Variants in MIPOL1 observed in about 807,000 individuals in gnomAD.
The protein encoded by MIPOL1 is mirror-image polydactyly 1.
In MIPOL1, 57 loss-of-function variants were observed where a neutral mutation model predicts 60.9. That is an observed-to-expected ratio of 0.94 (90% CI 0.76 to 1.17). The LOEUF (loss-of-function observed/expected upper bound fraction) is 1.17. MIPOL1 is among the 50% of genes most tolerant of loss of function. The pLI, the probability that MIPOL1 is intolerant of heterozygous loss-of-function variation, is 0.00. For synonymous variants in MIPOL1, 179 were observed against 168.8 expected, an observed-to-expected ratio of 1.06 and a Z score of -0.47; for missense variants, 551 against 511.6, an observed-to-expected ratio of 1.08 and a Z score of -0.74.
intron 11 of MIPOL1, among the ~76,000 whole-genome samples, chr14:37,435,980 A>G (rs1237830592): frequency 6.6e-6 from 1 of 152,174 alleles, no homozygotes; most frequent in Non-Finnish European, 1.5e-5. Flanking sequence ...GCTTTACAAA[A>G]GGCAGGATTT....
chr14:37,386,250 G>T (rs941089663), intron 10 of MIPOL1, among the ~76,000 whole-genome samples: 4 of 151,864 alleles, frequency 2.6e-5, no homozygotes, highest in African/African-American at 7.2e-5. Context: ...TAATAAAATT[G>T]AGGTTCCTTT....
chr14:37,392,827 G>T (rs1049892032), intron 10 of MIPOL1, among the ~76,000 whole-genome samples: 3 of 152,140 alleles, frequency 2.0e-5, no homozygotes, highest in African/African-American at 7.2e-5. Context: ...GTAAGTTATA[G>T]TTTATTAAAG....
chr14:37,439,729 A>G (rs1595781162), intron 11 of MIPOL1, among the ~76,000 whole-genome samples: 1 of 152,204 alleles, frequency 6.6e-6, no homozygotes, highest in East Asian at 1.9e-4. Flanking sequence ...AAAGTAAATC[A>G]CATGTACAAT....
At chr14:37,338,491 C>A (rs963838217) in intron 9 of MIPOL1, among the ~76,000 whole-genome samples, 3 of 149,626 alleles carry the variant, frequency 2.0e-5, no homozygotes, top group Middle Eastern at 3.5e-3. Flanking sequence ...TCACTGCAAC[C>A]TCTGCCTCCC....
intron 1 of MIPOL1, among the ~76,000 whole-genome samples, chr14:37,200,099 G>C (rs556475272): frequency 1.3e-5 from 2 of 152,226 alleles, no homozygotes; most frequent in South Asian, 4.1e-4. Flanking sequence ...ATATTCATGT[G>C]TTTACTGGCA....
chr14:37,437,252 T>C (rs2094176445), intron 11 of MIPOL1, among the ~76,000 whole-genome samples: 1 of 152,144 alleles, frequency 6.6e-6, no homozygotes, highest in Non-Finnish European at 1.5e-5. Flanking sequence ...TCAGTTACTA[T>C]GTAAAGCAAT....
At chr14:37,420,835 A>G (rs967047232) in intron 10 of MIPOL1, among the ~76,000 whole-genome samples, 1 of 152,192 alleles carries the variant, frequency 6.6e-6, no homozygotes, top group Non-Finnish European at 1.5e-5. Context: ...GATGAAGTTC[A>G]TTGTAGCCAC....
At chr14:37,462,182 C>T (rs113439761) in intron 11 of MIPOL1, among the ~76,000 whole-genome samples, 7 of 152,348 alleles carry the variant, frequency 4.6e-5, no homozygotes, top group African/African-American at 1.4e-4. Flanking sequence ...TTCTTGACTT[C>T]TGTGCACTCA....
chr14:37,358,877 C>G (rs979753809), intron 9 of MIPOL1, among the ~76,000 whole-genome samples: 10 of 152,104 alleles, frequency 6.6e-5, no homozygotes, highest in Admixed American at 2.6e-4. Context: ...GTTGCCCTTG[C>G]TTTTGGTGTT....
At chr14:37,202,771 A>G (rs992450839) in intron 1 of MIPOL1, among the ~76,000 whole-genome samples, 1 of 152,148 alleles carries the variant, frequency 6.6e-6, no homozygotes, top group Non-Finnish European at 1.5e-5. Context: ...CTACATTGCC[A>G]TTGTTGACTT....
chr14:37,229,462 T>G (rs1478707013), intron 1 of MIPOL1, among the ~76,000 whole-genome samples: 1 of 152,100 alleles, frequency 6.6e-6, no homozygotes, highest in Non-Finnish European at 1.5e-5. Flanking sequence ...CATTATTCAT[T>G]TTTGCCACTA....
At chr14:37,279,821 G>A (rs955282327) in intron 6 of MIPOL1, among the ~76,000 whole-genome samples, 3 of 152,054 alleles carry the variant, frequency 2.0e-5, no homozygotes, top group Non-Finnish European at 4.4e-5. Context: ...CATTATTTTA[G>A]CTTTTTGAAA....
chr14:37,239,874 C>A (rs189714549), intron 1 of MIPOL1, among the ~76,000 whole-genome samples: 1 of 152,190 alleles, frequency 6.6e-6, no homozygotes, highest in Admixed American at 6.5e-5. Flanking sequence ...TCTTTAAAAT[C>A]TTCACTTCTA....
intron 9 of MIPOL1, among the ~76,000 whole-genome samples, chr14:37,356,717 C>G (rs1323054007): frequency 6.6e-6 from 1 of 152,214 alleles, no homozygotes; most frequent in African/African-American, 2.4e-5. Flanking sequence ...AGGGAACTCC[C>G]TGACCCCTTG....
At chr14:37,257,867 C>T (rs570868017) in intron 3 of MIPOL1, among the ~76,000 whole-genome samples, 5 of 152,106 alleles carry the variant, frequency 3.3e-5, no homozygotes, top group Admixed American at 6.6e-5. Context: ...AGTCTGCTGA[C>T]GAATACTAAT....
chr14:37,443,054 C>T (rs1422882130), intron 11 of MIPOL1, among the ~76,000 whole-genome samples: 2 of 152,022 alleles, frequency 1.3e-5, no homozygotes, highest in East Asian at 1.9e-4. Flanking sequence ...AGACTCAAAC[C>T]TCTTGATTTC....
At chr14:37,532,338 T>C (rs1300728606) in intron 12 of MIPOL1, among the ~76,000 whole-genome samples, 6 of 152,184 alleles carry the variant, frequency 3.9e-5, no homozygotes, top group Non-Finnish European at 1.5e-5. Context: ...TGTTCCTATG[T>C]TACTAACTTA....
In MIPOL1 at chr14:37,550,922, T is replaced by G. The variant is rs2153645644; in HGVS notation, c.*3951T>G. 6.6e-6 allele frequency: 1 copy of G among 152,262 alleles called. No homozygotes were observed. Among genetic ancestry groups the G allele is most frequent in the East Asian group, 1.9e-4 (1 of 5,186 alleles). The allele number at this position is 152,262 out of a possible 1,614,324, so 9.4% of individuals were successfully genotyped here. ...TACTGAAATTAGAAAAAGAAAACTT[T>G]TCTTTTTTATTATATATTTTAGTGT... On this transcript the variant is annotated 3_prime_UTR_variant, in exon 13 of 13. Transcript: ENST00000684589.
chr14:37,514,043 T>A (rs1055471912), intron 12 of MIPOL1, among the ~76,000 whole-genome samples: 1 of 152,210 alleles, frequency 6.6e-6, no homozygotes, highest in Non-Finnish European at 1.5e-5. Flanking sequence ...CCACTTACGA[T>A]GATCATGTAC....
Sources: gnomAD v4.1 joint callset for allele counts (sites outside exome capture counted in the v4.1 genomes callset) on GRCh38, gnomAD v4.1.1 for gene constraint, MANE v1.5 for transcripts, NCBI Gene and HGNC (gene_info 2026-07-23, HGNC 2026-07-21) for gene names.